BORA: variants seen among roughly 807,000 people sequenced by gnomAD.
BORA encodes protein aurora borealis.
A neutral mutation model predicts 55.8 loss-of-function variants in BORA; 26 were observed. The observed-to-expected ratio is 0.47, with a 90% CI of 0.34 to 0.65. The LOEUF is 0.65. BORA is among the 30% of genes least tolerant of loss of function. The pLI, the probability that BORA is intolerant of heterozygous loss-of-function variation, is 0.01. For missense variants in BORA, 568 were observed against 671.5 expected (o/e 0.85, Z 1.70); for synonymous variants, 201 against 216.9 (o/e 0.93, Z 0.64).
intron 10 of BORA, among the ~76,000 whole-genome samples, chr13:72,750,304 GTAAT>G (rs1161844476): frequency 6.6e-6 from 1 of 152,248 alleles, no homozygotes; most frequent in East Asian, 1.9e-4. Context: ...AATAAGAAAA[GTAAT>G]TAATAACTGA....
intron 2 of BORA, among the ~76,000 whole-genome samples, 180 bp downstream of exon 2, chr13:72,729,273 T>G (rs1305888185): frequency 8.7e-6 from 1 of 115,446 alleles, no homozygotes; most frequent in East Asian, 2.7e-4. Context: ...GGTTAATAAG[T>G]TAGCTAGAAG....
intron 5 of BORA, 105 bp from the exon 6 acceptor site, chr13:72,743,432 T>C: frequency 2.9e-6 from 2 of 684,904 alleles, no homozygotes; most frequent in Non-Finnish European, 4.5e-6. Flanking sequence ...TTTTTAATGT[T>C]GCAAAATAAG....
At position 72,731,909 on chromosome 13, in the gene BORA, T is replaced by C. The variant is rs1186727314; in HGVS notation, c.260+522T>C. Among the ~76,000 whole-genome samples the C allele has an allele frequency of 3.3e-5, 5 of 152,212 alleles. No homozygotes were observed. In the East Asian group the frequency reaches 9.6e-4, roughly 29 times the overall value. ...CAATTCACTTGGAATCTGAATTACA[T>C]TTTCTAGAATTCTACATATCACCCA... On this transcript the variant is annotated intron_variant, in intron 3 of 11. Transcript: ENST00000390667.
chr13:72,728,133 AAG>A (rs2032720272), intron 1 of BORA, 126 bp downstream of exon 1: 1 of 1,313,000 alleles, frequency 7.6e-7, no homozygotes, highest in Non-Finnish European at 1.1e-6. Context: ...GTAGGTGTGG[AAG>A]AGAGGGGCAC....
intron 4 of BORA, among the ~76,000 whole-genome samples, chr13:72,735,724 C>T (rs1416037344): frequency 1.3e-5 from 2 of 152,040 alleles, no homozygotes; most frequent in East Asian, 3.9e-4. Context: ...ATTCTCCTGC[C>T]TCAGTCTCCC....
At chr13:72,736,232 C>CT (rs2032924947) in intron 4 of BORA, among the ~76,000 whole-genome samples, 2 of 151,936 alleles carry the variant, frequency 1.3e-5, no homozygotes, top group East Asian at 3.9e-4. Context: ...TAAAGAGAAA[C>CT]CCAGCAGGTA....
At chr13:72,738,363 T>C (rs1432011935) in intron 5 of BORA, among the ~76,000 whole-genome samples, 1 of 152,202 alleles carries the variant, frequency 6.6e-6, no homozygotes, top group Admixed American at 6.5e-5. Context: ...ACTTTAGCAG[T>C]ATTTTGAAGG....
At chr13:72,736,073 T>C (rs540496784) in intron 4 of BORA, among the ~76,000 whole-genome samples, 37 of 152,264 alleles carry the variant, frequency 2.4e-4, no homozygotes, top group African/African-American at 8.4e-4. Context: ...TGTTTACTCC[T>C]GCTAAACATT....
At chr13:72,733,991 T>G (rs1257622145) in intron 3 of BORA, among the ~76,000 whole-genome samples, 1 of 151,962 alleles carries the variant, frequency 6.6e-6, no homozygotes. Flanking sequence ...CACTTATAAG[T>G]GGGAGCTAAA....
intron 10 of BORA, among the ~76,000 whole-genome samples, chr13:72,750,075 A>G (rs1475810702): frequency 6.6e-6 from 1 of 152,188 alleles, no homozygotes; most frequent in Non-Finnish European, 1.5e-5. Context: ...GTATTTACTG[A>G]GAGTAACGGG....
At chr13:72,745,812 G>C in intron 8 of BORA, 132 bp from the exon 9 acceptor site, 1 of 619,714 alleles carries the variant, frequency 1.6e-6, no homozygotes, top group East Asian at 3.1e-5. Flanking sequence ...TTGTTGCAAG[G>C]TGTCTTTTGG....
In BORA at chr13:72,729,046, G is replaced by T; in HGVS notation, c.106G>T (p.Glu36Ter). Residue 36 changes from glutamate to a stop codon, truncating the protein, a stop_gained, in exon 2 of 12, where the codon GAA becomes TAA. Coordinates refer to ENST00000390667, the MANE Select transcript of BORA (RefSeq NM_024808.5). LOFTEE classifies it high-confidence loss of function. ...ESPSDYSNLH[E>*]QTLASPSVFK... The stretch of plus-strand genomic sequence containing the variant: ...TCCTAGTGATTATTCTAATCTCCAT[G>T]AACAAACTCTCGCCAGTCCTTCTGT... The T allele has an allele frequency of 6.3e-7, 1 of 1,597,606 alleles. No individual in the cohort carries two copies. Among genetic ancestry groups the T allele is most frequent in the South Asian group, 1.1e-5 (1 of 87,526 alleles).
intron 2 of BORA, among the ~76,000 whole-genome samples, chr13:72,730,777 G>C (rs1264893302): frequency 1.3e-5 from 2 of 152,018 alleles, no homozygotes; most frequent in Non-Finnish European, 2.9e-5. Context: ...AGAGATACAG[G>C]CTGGGCGCTG....
intron 5 of BORA, 90 bp from the exon 6 acceptor site, chr13:72,743,439 TAAGTTTCC>T: frequency 1.3e-6 from 1 of 748,790 alleles, no homozygotes; most frequent in South Asian, 2.9e-5. Flanking sequence ...TGTTGCAAAA[TAAGTTTCC>T]ACTTTCTTAA....
At chr13:72,747,701 T>A (rs1223583011) in intron 10 of BORA, among the ~76,000 whole-genome samples, 1 of 151,868 alleles carries the variant, frequency 6.6e-6, no homozygotes, top group Non-Finnish European at 1.5e-5. Context: ...ACCTGGCTAA[T>A]TTTTGTATTT....
chr13:72,745,961 C>T lies in BORA; in HGVS notation c.756C>T (p.Ser252=). 6.2e-7 allele frequency: 1 copy of T among 1,610,758 alleles called. No homozygotes were observed. Among genetic ancestry groups the T allele is most frequent in the Non-Finnish European group, 8.5e-7 (1 of 1,178,414 alleles). Residue 252 remains serine, a synonymous_variant, in exon 9 of 12, where the codon AGC becomes AGT. Transcript: ENST00000390667. ...TATTACAGGGGCAGTTTTCTTCTAG[C>T]CCTATTCAGGCTAGTGCAAAAAAAT... is the stretch of plus-strand genomic sequence containing the variant. The part of the protein sequence containing the change: ...QTPSSGQFSS[S]PIQASAKKYS...
At chr13:72,754,148 A>AT (rs1347043678) in intron 11 of BORA, 13 of 181,786 alleles carry the variant, frequency 7.2e-5, no homozygotes, top group East Asian at 6.1e-4. Context: ...TTATGTGCCA[A>AT]TTTTTTTTGC....
intron 4 of BORA, 56 bp downstream of exon 4, chr13:72,735,061 A>G: frequency 2.2e-6 from 3 of 1,352,584 alleles, no homozygotes; most frequent in South Asian, 1.2e-5. Context: ...CTGCATGTAC[A>G]TCACTTCTTT....
At chr13:72,746,420 G>C in intron 9 of BORA, 81 bp from the exon 10 acceptor site, 1 of 1,452,428 alleles carries the variant, frequency 6.9e-7, no homozygotes. Flanking sequence ...TTCCTGGCAT[G>C]AAACATGATT....
Sources: allele counts gnomAD v4.1 joint callset (sites outside exome capture counted in the v4.1 genomes callset), GRCh38; gene constraint gnomAD v4.1.1; transcripts MANE v1.5; gene names NCBI Gene and HGNC (gene_info 2026-07-23, HGNC 2026-07-21).